The following UNC5D variants were observed in gnomAD, a reference collection of about 807,000 sequenced individuals.
UNC5D encodes unc-5 netrin receptor D.
UNC5D carries 39 observed loss-of-function variants against 105.4 expected under a neutral mutation model. That is an observed-to-expected ratio of 0.37 (90% confidence interval 0.29 to 0.48). UNC5D has a LOEUF of 0.48. UNC5D is among the 20% of genes least tolerant of loss of function. UNC5D has a pLI of 0.98. For synonymous variants in UNC5D, 452 were observed against 450.4 expected (o/e 1.00, Z -0.04); for missense variants, 991 against 1,202.4 (o/e 0.82, Z 2.60).
intron 3 of UNC5D, among the ~76,000 whole-genome samples, chr8:35,586,315 A>AG (rs1818788722): frequency 6.6e-6 from 1 of 152,206 alleles, no homozygotes; most frequent in Admixed American, 6.5e-5. Flanking sequence ...AGCAAGGTAG[A>AG]GGGTTTAAGC....
intron 1 of UNC5D, among the ~76,000 whole-genome samples, chr8:35,310,453 C>T (rs1166601759): frequency 6.6e-6 from 1 of 151,964 alleles, no homozygotes; most frequent in East Asian, 1.9e-4. Flanking sequence ...AACCTTATCT[C>T]TAATAAAAAT....
intron 1 of UNC5D, among the ~76,000 whole-genome samples, chr8:35,471,517 A>G (rs751767155): frequency 1.3e-5 from 2 of 152,204 alleles, no homozygotes; most frequent in African/African-American, 2.4e-5. Flanking sequence ...TTTTTTCTGT[A>G]TTAACTCAAG....
chr8:35,277,609 C>T (rs1805861453), intron 1 of UNC5D, among the ~76,000 whole-genome samples: 1 of 152,176 alleles, frequency 6.6e-6, no homozygotes, highest in Non-Finnish European at 1.5e-5. Context: ...ATCCTGACTG[C>T]CGCTCACGGC....
At chr8:35,713,578 T>A (rs2131496976) in intron 8 of UNC5D, among the ~76,000 whole-genome samples, 1 of 152,332 alleles carries the variant, frequency 6.6e-6, no homozygotes, top group Non-Finnish European at 1.5e-5. Context: ...AGCTACTCAT[T>A]TTTTATCTGA....
At chr8:35,654,887 G>T (rs1222363450) in intron 4 of UNC5D, among the ~76,000 whole-genome samples, 6 of 152,122 alleles carry the variant, frequency 3.9e-5, no homozygotes, top group Non-Finnish European at 8.8e-5. Flanking sequence ...GGTTTTCTCA[G>T]ATCGAAAGCA....
chr8:35,339,230 A>G (rs1248942327), intron 1 of UNC5D, among the ~76,000 whole-genome samples: 1 of 152,214 alleles, frequency 6.6e-6, no homozygotes, highest in African/African-American at 2.4e-5. Flanking sequence ...GGTTAATGGT[A>G]TATAAGATCC....
intron 4 of UNC5D, among the ~76,000 whole-genome samples, chr8:35,650,415 C>G (rs953810398): frequency 1.3e-5 from 2 of 152,132 alleles, no homozygotes; most frequent in African/African-American, 4.8e-5. Context: ...CCTTAATGAT[C>G]ACTACTGTGG....
chr8:35,310,098 A>G (rs145603993), intron 1 of UNC5D, among the ~76,000 whole-genome samples: 1 of 152,282 alleles, frequency 6.6e-6, no homozygotes, highest in Non-Finnish European at 1.5e-5. Flanking sequence ...TTATTCAAAT[A>G]CCCTTGAAAG....
intron 4 of UNC5D, among the ~76,000 whole-genome samples, chr8:35,615,047 C>A (rs1348039184): frequency 1.6e-4 from 21 of 128,248 alleles, no homozygotes; most frequent in East Asian, 4.9e-4. Flanking sequence ...CCCCCCCCCC[C>A]CCGTCCCCCA....
rs1554542234 is a variant in UNC5D, at chr8:35,487,594, C to CA, written c.104-61698_104-61697insA. Among the ~76,000 whole-genome samples, 295 of 146,852 alleles carry CA rather than the reference C, an allele frequency of 2.0e-3. 2 individuals carry two copies. Among genetic ancestry groups the CA allele is most frequent in the African/African-American group, 7.5e-3 (277 of 36,746 alleles). ...ACACACACACACACACACACACACA[C>CA]CCCACAGACTGTTAGTTTTAGTTCT... On this transcript the variant is annotated intron_variant, in intron 1 of 16. Transcript: ENST00000404895.
At chr8:35,699,000 G>A (rs750537977) in intron 7 of UNC5D, among the ~76,000 whole-genome samples, 46 of 152,268 alleles carry the variant, frequency 3.0e-4, no homozygotes, top group Non-Finnish European at 6.5e-4. Context: ...AGCAGAGTTG[G>A]AAGCATTGCA....
chr8:35,521,416 G>A (rs936199655), intron 1 of UNC5D, among the ~76,000 whole-genome samples: 1 of 152,112 alleles, frequency 6.6e-6, no homozygotes, highest in Admixed American at 6.6e-5. Flanking sequence ...AGTAAGTCAG[G>A]ACATTTTGAT....
chr8:35,257,524 G>A (rs928992676), intron 1 of UNC5D, among the ~76,000 whole-genome samples: 18 of 152,166 alleles, frequency 1.2e-4, no homozygotes, highest in African/African-American at 4.1e-4. Context: ...GTTTAAAATT[G>A]CAATAGTAAT....
chr8:35,248,850 A>G (rs1422910128), intron 1 of UNC5D, among the ~76,000 whole-genome samples: 10 of 96,528 alleles, frequency 1.0e-4, no homozygotes, highest in African/African-American at 3.8e-4. Flanking sequence ...TATATTTTAT[A>G]TATAATTCTA....
chr8:35,470,767 AAAATAAATAAAT>A (rs201455725), intron 1 of UNC5D, among the ~76,000 whole-genome samples: 1,471 of 139,308 alleles, frequency 0.011, 34 homozygotes, highest in African/African-American at 0.037. Flanking sequence ...AGACTTTCTC[AAAATAAATAAAT>A]AAATAAATAA....
chr8:35,408,811 T>C (rs1804973007), intron 1 of UNC5D, among the ~76,000 whole-genome samples: 1 of 151,956 alleles, frequency 6.6e-6, no homozygotes, highest in Non-Finnish European at 1.5e-5. Context: ...GCCTTAAGTA[T>C]TTTAATTTAC....
chr8:35,750,876 T>A (rs1407221898), intron 13 of UNC5D, 67 bp downstream of exon 13: 1 of 1,587,700 alleles, frequency 6.3e-7, no homozygotes, highest in Non-Finnish European at 8.6e-7. Context: ...AAGATCAGTA[T>A]CAATTGAAAA....
chr8:35,464,367 A>G (rs1209701704), intron 1 of UNC5D, among the ~76,000 whole-genome samples: 1 of 152,090 alleles, frequency 6.6e-6, no homozygotes. Flanking sequence ...ACAGTTGACT[A>G]ATGATTCTCT....
rs1563587343 is a variant in UNC5D, at chr8:35,608,966, CT to C, written c.570+13311del. 5.9e-5 allele frequency among the ~76,000 whole-genome samples: 9 copies of C among 151,892 alleles called. No homozygotes were observed. The South Asian group carries it at 1.9e-3, about 32-fold the overall frequency. Reference sequence around the variant, plus strand: ...TCTAATGGTAATTCTGTTTTTATTTCTTCAAGAAATATCCAAACTATTTTTC... The same window carrying C: ...TCTAATGGTAATTCTGTTTTTATTTCTCAAGAAATATCCAAACTATTTTTC... On this transcript the variant is annotated intron_variant, in intron 4 of 16. Transcript: ENST00000404895.
Sources: allele counts gnomAD v4.1 joint callset (sites outside exome capture counted in the v4.1 genomes callset), GRCh38; gene constraint gnomAD v4.1.1; transcripts MANE v1.5; gene names NCBI Gene and HGNC (gene_info 2026-07-23, HGNC 2026-07-21).